Variants in ZSCAN5A observed in about 807,000 individuals in gnomAD.
ZSCAN5A encodes the protein zinc finger and SCAN domain-containing protein 5A.
In ZSCAN5A, 12 loss-of-function variants were observed where a neutral mutation model predicts 23.7. The observed-to-expected ratio is 0.51, with a 90% CI of 0.32 to 0.82. The LOEUF (loss-of-function observed/expected upper bound fraction) is 0.82. Ranked by LOEUF, ZSCAN5A falls within the 40% of genes least tolerant of loss-of-function variation. The pLI is 0.03. For missense variants in ZSCAN5A, 597 were observed against 617.9 expected, an observed-to-expected ratio of 0.97 and a Z score of 0.36; for synonymous variants, 257 against 239.9, an observed-to-expected ratio of 1.07 and a Z score of -0.66.
At chr19:56,321,203 A>G (rs1262667704) in intron 2 of ZSCAN5A, 1 of 665,260 alleles carries the variant, frequency 1.5e-6, no homozygotes, top group East Asian at 3.1e-5. Context: ...TGAAGTTAAT[A>G]TCTTCTTCTG....
intron 2 of ZSCAN5A, chr19:56,274,964 G>A (rs1161868684): frequency 6.6e-6 from 1 of 152,166 alleles, no homozygotes; most frequent in Non-Finnish European, 1.5e-5. Context: ...CTCAATTTGG[G>A]TTTGTCTGAA....
At chr19:56,224,532 G>A (rs1011769587) in intron 3 of ZSCAN5A, 131 bp downstream of exon 3, 17 of 1,176,226 alleles carry the variant, frequency 1.4e-5, no homozygotes, top group African/African-American at 3.0e-5. Context: ...ATGTGTCCCC[G>A]ACGGGCAAAC....
intron 2 of ZSCAN5A, among the ~76,000 whole-genome samples, chr19:56,327,018 A>T (rs1046146112): frequency 2.0e-5 from 3 of 152,112 alleles, no homozygotes; most frequent in Non-Finnish European, 4.4e-5. Context: ...TTAACCTCAA[A>T]ATAGTCATGT....
At chr19:56,230,615 ATGTGTGTGTG>A (rs58270311) in intron 2 of ZSCAN5A, among the ~76,000 whole-genome samples, 43 of 147,688 alleles carry the variant, frequency 2.9e-4, no homozygotes, top group South Asian at 8.8e-4. Flanking sequence ...TTATTTCTTG[ATGTGTGTGTG>A]TGTGTGTGTG....
chr19:56,245,425 GGT>G (rs765970787), intron 2 of ZSCAN5A: 104 of 673,908 alleles, frequency 1.5e-4, no homozygotes, highest in Non-Finnish European at 2.3e-4. Context: ...CCAGAAGGCA[GGT>G]GAGTGTGTGA....
At chr19:56,244,020 G>T in intron 2 of ZSCAN5A, 1 of 793,438 alleles carries the variant, frequency 1.3e-6, no homozygotes, top group South Asian at 1.7e-5. Flanking sequence ...CTCAGAGACT[G>T]ACTGAAATAT....
At chr19:56,345,633 T>C (rs1206448395) in intron 2 of ZSCAN5A, among the ~76,000 whole-genome samples, 3 of 152,278 alleles carry the variant, frequency 2.0e-5, no homozygotes, top group African/African-American at 7.2e-5. Flanking sequence ...TATCATAGAA[T>C]GGTATAAGGA....
intron 2 of ZSCAN5A, among the ~76,000 whole-genome samples, chr19:56,241,738 TC>T (rs1397891191): frequency 2.0e-5 from 3 of 152,172 alleles, no homozygotes; most frequent in African/African-American, 7.2e-5. Context: ...CCAACCCCCA[TC>T]CCAGCCCTGG....
intron 2 of ZSCAN5A, among the ~76,000 whole-genome samples, chr19:56,349,805 T>A (rs960565708): frequency 1.3e-5 from 2 of 150,028 alleles, no homozygotes; most frequent in African/African-American, 4.9e-5. Flanking sequence ...TCAGTCCCAC[T>A]CCTACCTTAT....
At chr19:56,325,218 A>G (rs1044267865) in intron 2 of ZSCAN5A, among the ~76,000 whole-genome samples, 1 of 152,090 alleles carries the variant, frequency 6.6e-6, no homozygotes, top group African/African-American at 2.4e-5. Flanking sequence ...TTCTATCTAC[A>G]TTGCCATTTA....
At chr19:56,295,161 A>AT (rs1368330011) in intron 2 of ZSCAN5A, 3 of 152,240 alleles carry the variant, frequency 2.0e-5, no homozygotes, top group African/African-American at 7.2e-5. Context: ...TGGGTGAGTC[A>AT]TAAGTTATGT....
chr19:56,330,160 G>T (rs902650754), intron 2 of ZSCAN5A, among the ~76,000 whole-genome samples: 1 of 152,218 alleles, frequency 6.6e-6, no homozygotes, highest in Admixed American at 6.5e-5. Context: ...CAAAGCACAA[G>T]ATTTTGTTCC....
At chr19:56,242,985 G>A (rs972401948) in intron 2 of ZSCAN5A, among the ~76,000 whole-genome samples, 5 of 152,066 alleles carry the variant, frequency 3.3e-5, no homozygotes, top group Non-Finnish European at 4.4e-5. Context: ...CACCATCTTG[G>A]TCAGGCTGGT....
At chr19:56,328,074 A>C (rs964331903) in intron 2 of ZSCAN5A, among the ~76,000 whole-genome samples, 2 of 152,210 alleles carry the variant, frequency 1.3e-5, no homozygotes, top group Non-Finnish European at 2.9e-5. Flanking sequence ...GGTAGTGGTC[A>C]TGTATGGGAG....
At chr19:56,260,214 C>CTT (rs398041088) in intron 2 of ZSCAN5A, among the ~76,000 whole-genome samples, 394 of 127,836 alleles carry the variant, frequency 3.1e-3, no homozygotes, top group African/African-American at 4.3e-3. Flanking sequence ...TATTTTTTTA[C>CTT]TTTTTTTTTT....
intron 2 of ZSCAN5A, among the ~76,000 whole-genome samples, chr19:56,230,246 C>T (rs192095822): frequency 3.3e-4 from 50 of 152,262 alleles, no homozygotes; most frequent in African/African-American, 9.9e-4. Context: ...CCACCATGCC[C>T]GGTGAATTTT....
chr19:56,337,107 A>G (rs2041546063), intron 2 of ZSCAN5A, among the ~76,000 whole-genome samples: 1 of 152,224 alleles, frequency 6.6e-6, no homozygotes, highest in Admixed American at 6.5e-5. Context: ...CTCTCTTCAA[A>G]GCTGTCAGAC....
At chr19:56,305,951 T>G (rs1167936144) in intron 2 of ZSCAN5A, among the ~76,000 whole-genome samples, 1 of 122,148 alleles carries the variant, frequency 8.2e-6, no homozygotes, top group Admixed American at 9.0e-5. Context: ...GTGCCTGGAG[T>G]CAGAAAGAAA....
At chr19:56,360,420 C>G (rs2041727220) in intron 2 of ZSCAN5A, among the ~76,000 whole-genome samples, 1 of 152,052 alleles carries the variant, frequency 6.6e-6, no homozygotes, top group Non-Finnish European at 1.5e-5. Context: ...TCAAGGAAAT[C>G]AGCGAGGACA....
Sources: gnomAD v4.1 joint callset for allele counts (sites outside exome capture counted in the v4.1 genomes callset) on GRCh38, gnomAD v4.1.1 for gene constraint, MANE v1.5 for transcripts, NCBI Gene and HGNC (gene_info 2026-07-23, HGNC 2026-07-21) for gene names.